YTHDF3: variants seen among roughly 807,000 people sequenced by gnomAD.
YTHDF3 encodes the protein YTH domain-containing family protein 3.
YTHDF3 carries 9 observed loss-of-function variants against 52.5 expected under a neutral mutation model. That is an observed-to-expected ratio of 0.17 (90% CI 0.10 to 0.30). The LOEUF is 0.30. Among genes scored for constraint, YTHDF3 ranks in the 10% least tolerant of loss-of-function variants. The pLI, the probability that YTHDF3 is intolerant of heterozygous loss-of-function variation, is 1.00. For missense variants in YTHDF3, 534 were observed against 715.0 expected (o/e 0.75, Z 2.89); for synonymous variants, 274 against 243.3 (o/e 1.13, Z -1.18).
At chr8:63,198,535 G>C (rs1303390862) in intron 4 of YTHDF3, among the ~76,000 whole-genome samples, 1 of 152,174 alleles carries the variant, frequency 6.6e-6, no homozygotes, top group East Asian at 1.9e-4. Flanking sequence ...CCAAAGTGCT[G>C]GGATTACAGA....
intron 4 of YTHDF3, among the ~76,000 whole-genome samples, chr8:63,195,483 A>C (rs1188210785): frequency 6.6e-6 from 1 of 152,230 alleles, no homozygotes; most frequent in Non-Finnish European, 1.5e-5. Flanking sequence ...TGATGATCTG[A>C]AACTTCAGAT....
At chr8:63,202,866 A>G (rs953315303) in intron 4 of YTHDF3, among the ~76,000 whole-genome samples, 1 of 152,126 alleles carries the variant, frequency 6.6e-6, no homozygotes, top group African/African-American at 2.4e-5. Flanking sequence ...AATCTATTAG[A>G]TGTTTTAATT....
rs1287534319 is a variant in YTHDF3, at chr8:63,186,310, A to G, written c.299A>G (p.Tyr100Cys). The G allele has an allele frequency of 1.9e-6, 3 of 1,613,914 alleles. No homozygotes were observed. The highest frequency in any genetic ancestry group is 1.7e-5 in the Admixed American group (1 of 60,008). ...YGQMSNGEHH[Y>C]IPDGVFSQPG... ...CAAATGAGTAATGGAGAACATCACT[A>G]TATACCAGATGGTGTATTTAGTCAA... Residue 100 changes from tyrosine (Y) to cysteine (C), a missense_variant, in exon 4 of 5, where the codon TAT becomes TGT. By Grantham distance (194) the Tyr-to-Cys change is radical. Around this residue, in one of 3 missense-constraint regions of YTHDF3, gnomAD observed 196 missense variants for 299.5 expected, o/e 0.65. Transcript: ENST00000539294.
chr8:63,184,858 C>T (rs1808394823), intron 3 of YTHDF3, among the ~76,000 whole-genome samples: 1 of 152,162 alleles, frequency 6.6e-6, no homozygotes, highest in South Asian at 2.1e-4. Context: ...GCTTTAAAAT[C>T]ACACCTAAAT....
intron 3 of YTHDF3, among the ~76,000 whole-genome samples, chr8:63,182,923 A>G (rs890333728): frequency 3.3e-5 from 5 of 152,034 alleles, no homozygotes; most frequent in African/African-American, 1.2e-4. Context: ...TTAACTGTTT[A>G]AAAAAAGGAT....
chr8:63,182,290 T>TG (rs1808195823), intron 3 of YTHDF3, among the ~76,000 whole-genome samples: 1 of 149,012 alleles, frequency 6.7e-6, no homozygotes, highest in Non-Finnish European at 1.5e-5. Context: ...AGGCTGGTCT[T>TG]GAACTCCTGG....
intron 3 of YTHDF3, among the ~76,000 whole-genome samples, chr8:63,178,055 G>C (rs944359264): frequency 6.6e-6 from 1 of 152,188 alleles, no homozygotes; most frequent in Non-Finnish European, 1.5e-5. Flanking sequence ...ACCGCACTCA[G>C]CCATTCAAAC....
chr8:63,169,316 C>T (rs1220227753), intron 1 of YTHDF3, 71 bp from the exon 2 acceptor site: 2 of 1,528,788 alleles, frequency 1.3e-6, no homozygotes, highest in African/African-American at 1.4e-5. Context: ...TTTGATAATG[C>T]CTTTGATTAA....
chr8:63,192,420 G>GTT, intron 4 of YTHDF3, among the ~76,000 whole-genome samples: 1 of 152,276 alleles, frequency 6.6e-6, no homozygotes, highest in South Asian at 2.1e-4. Flanking sequence ...GATTTTACCA[G>GTT]TTAAGTGATT....
chr8:63,184,102 CTG>C (rs1167631502), intron 3 of YTHDF3, among the ~76,000 whole-genome samples: 1 of 152,166 alleles, frequency 6.6e-6, no homozygotes, highest in African/African-American at 2.4e-5. Context: ...TATTTTCAAT[CTG>C]TGAATGGTTG....
chr8:63,169,280 A>G, intron 1 of YTHDF3, 107 bp from the exon 2 acceptor site: 1 of 1,445,456 alleles, frequency 6.9e-7, no homozygotes, highest in Non-Finnish European at 9.4e-7. Context: ...TTTTACTCCT[A>G]CGCGGATAGT....
chr8:63,169,331 CTT>C lies in YTHDF3; in HGVS notation c.25-52_25-51del. ...TTTGATAATGCCTTTGATTAACACA[CTT>C]TTTCTTTTCTTCCTTTTTCTCCTCT... On this transcript the variant is annotated intron_variant, in intron 1 of 4. Transcript: ENST00000539294. The C allele has an allele frequency of 9.6e-6, 15 of 1,563,132 alleles. No individual in the cohort carries two copies. The South Asian group carries it at 1.8e-4, about 18-fold the overall frequency.
At position 63,186,818 on chromosome 8, in the gene YTHDF3, T is replaced by C; in HGVS notation, c.807T>C (p.Pro269=). 1 of 1,613,938 alleles carries C rather than the reference T, an allele frequency of 6.2e-7. No homozygotes were observed. The highest frequency in any genetic ancestry group is 8.5e-7 in the Non-Finnish European group (1 of 1,179,890). The stretch of plus-strand genomic sequence containing the variant: ...GGGGTTCTGCTGTACCACCACCTCC[T>C]ATAAAACACAACATGAATATTGGAA... ...GIGGSAVPPP[P]IKHNMNIGTW... Residue 269 remains proline, a synonymous_variant, in exon 4 of 5, where the codon CCT becomes CCC. Coordinates refer to ENST00000539294, the MANE Select transcript of YTHDF3 (RefSeq NM_152758.6).
chr8:63,177,203 G>C (rs1238065768), intron 3 of YTHDF3, among the ~76,000 whole-genome samples: 1 of 152,150 alleles, frequency 6.6e-6, no homozygotes, highest in Admixed American at 6.5e-5. Context: ...GAGTTATAGG[G>C]AAAATTTGAA....
At chr8:63,193,095 T>C (rs1370589338) in intron 4 of YTHDF3, among the ~76,000 whole-genome samples, 1 of 152,096 alleles carries the variant, frequency 6.6e-6, no homozygotes, top group Non-Finnish European at 1.5e-5. Flanking sequence ...GAGGCCTGGC[T>C]GGGCATGGTG....
rs761718898 is a variant in YTHDF3, at chr8:63,187,296, A to G, written c.1285A>G (p.Ile429Val). ...FIIKSYSEDD[I>V]HRSIKYSIWC... ...AATTAAAAGCTACTCTGAGGATGAC[A>G]TACATCGTTCCATTAAATACTCTAT... The change falls in exon 4 of 5, where the codon ATA becomes GTA. Residue 429 changes from isoleucine to valine, a missense_variant. This residue lies in a region of YTHDF3 where 135 missense variants were observed against 214.2 expected (regional missense o/e 0.63). Coordinates refer to ENST00000539294, the MANE Select transcript of YTHDF3 (RefSeq NM_152758.6). 1 of 1,614,066 alleles carries G rather than the reference A, an allele frequency of 6.2e-7. No individual in the cohort carries two copies. The highest frequency in any genetic ancestry group is 1.1e-5 in the South Asian group (1 of 91,092).
intron 3 of YTHDF3, among the ~76,000 whole-genome samples, chr8:63,184,481 A>C (rs1400414145): frequency 6.6e-6 from 1 of 152,282 alleles, no homozygotes; most frequent in Non-Finnish European, 1.5e-5. Flanking sequence ...TCTCATAGAC[A>C]GTAGACAGTT....
intron 3 of YTHDF3, among the ~76,000 whole-genome samples, chr8:63,183,086 G>A (rs1808257927): frequency 6.6e-6 from 1 of 151,392 alleles, no homozygotes; most frequent in African/African-American, 2.4e-5. Flanking sequence ...TCAGCCTCCC[G>A]AGTAGCTGGG....
intron 4 of YTHDF3, among the ~76,000 whole-genome samples, chr8:63,201,979 T>C (rs972405964): frequency 1.3e-5 from 2 of 152,182 alleles, no homozygotes; most frequent in South Asian, 2.1e-4. Context: ...TATGCCACCA[T>C]ATATTTAGAT....
Sources: allele counts gnomAD v4.1 joint callset (sites outside exome capture counted in the v4.1 genomes callset), GRCh38; gene constraint gnomAD v4.1.1; regional missense constraint gnomAD v4.1.1; transcripts MANE v1.5; gene names NCBI Gene and HGNC (gene_info 2026-07-23, HGNC 2026-07-21).